The following MRPS6 variants were observed in gnomAD, a reference collection of about 807,000 sequenced individuals.
The protein encoded by MRPS6 is mitochondrial ribosomal protein S6, also known as small ribosomal subunit protein bS6m.
Under a neutral mutation model 13.1 loss-of-function variants are expected in MRPS6, and 6 were observed. The ratio of observed to expected loss-of-function variants is 0.46; its 90% CI spans 0.25 to 0.91. The LOEUF (loss-of-function observed/expected upper bound fraction) is 0.91, where lower values mean the gene tolerates loss of function less well. MRPS6 is among the 40% of genes least tolerant of loss of function. The pLI is 0.18. For missense variants in MRPS6, 164 were observed against 155.6 expected (o/e 1.05, Z -0.29); for synonymous variants, 61 against 56.5 (o/e 1.08, Z -0.36).
At chr21:34,088,745 A>T (rs1978527046) in intron 1 of MRPS6, among the ~76,000 whole-genome samples, 1 of 152,192 alleles carries the variant, frequency 6.6e-6, no homozygotes, top group African/African-American at 2.4e-5. Context: ...TCATGGCTTC[A>T]GTTTTCTCAT....
chr21:34,073,810 T>G, intron 1 of MRPS6, 65 bp downstream of exon 1: 22 of 1,238,450 alleles, frequency 1.8e-5, no homozygotes, highest in Admixed American at 3.0e-5. Flanking sequence ...TAGGCCGCCG[T>G]CCCCCGCGCG....
At chr21:34,099,779 T>A in intron 1 of MRPS6, 1 of 837,274 alleles carries the variant, frequency 1.2e-6, no homozygotes, top group Non-Finnish European at 1.5e-6. Flanking sequence ...AAGGAATGAC[T>A]ATTAGCATAT....
At chr21:34,077,585 C>A (rs1054681556) in intron 1 of MRPS6, among the ~76,000 whole-genome samples, 1 of 151,982 alleles carries the variant, frequency 6.6e-6, no homozygotes, top group African/African-American at 2.4e-5. Context: ...ATATATATAT[C>A]TTCATATGTT....
At chr21:34,125,173 T>G (rs1316911724) in intron 1 of MRPS6, 168 bp from the exon 2 acceptor site, 4 of 1,026,646 alleles carry the variant, frequency 3.9e-6, no homozygotes, top group Non-Finnish European at 5.4e-6. Flanking sequence ...CAATAAATTC[T>G]CTCTCTCTTT....
chr21:34,109,353 G>T (rs1245331710), intron 1 of MRPS6, among the ~76,000 whole-genome samples: 1 of 152,124 alleles, frequency 6.6e-6, no homozygotes, highest in Non-Finnish European at 1.5e-5. Context: ...CTGTTTGTTG[G>T]GTTAAGTCCT....
rs1196347123 is a variant in MRPS6, at chr21:34,096,542, G to A, written c.45+22797G>A. On this transcript the variant is annotated intron_variant, in intron 1 of 2. Transcript: ENST00000399312. This position sits in a 1 kb window ranked among gnomAD's most constrained non-coding sequence, Gnocchi z 5.9. ...ACATTCAGGAGGTAGCAGATTACCTGACACCCCCAGTGGCAGCCTTGTTCC... is the reference window on the plus strand; with the variant it reads ...ACATTCAGGAGGTAGCAGATTACCTAACACCCCCAGTGGCAGCCTTGTTCC... 6.2e-7 allele frequency: 1 copy of A among 1,614,030 alleles called. No individual in the cohort carries two copies. Among genetic ancestry groups the A allele is most frequent in the Non-Finnish European group, 8.5e-7 (1 of 1,180,004 alleles).
chr21:34,090,164 C>T (rs961679373), intron 1 of MRPS6, among the ~76,000 whole-genome samples: 1 of 152,206 alleles, frequency 6.6e-6, no homozygotes, highest in Non-Finnish European at 1.5e-5. Context: ...GCTCCACTTA[C>T]AATTTAAAAC....
intron 1 of MRPS6, chr21:34,095,436 G>A (rs759885666): frequency 1.2e-6 from 2 of 1,614,060 alleles, no homozygotes; most frequent in Non-Finnish European, 1.7e-6. Flanking sequence ...ATTTGCAGTG[G>A]GCGCATGGGA....
At chr21:34,095,565 C>T in intron 1 of MRPS6, 1 of 1,613,746 alleles carries the variant, frequency 6.2e-7, no homozygotes, top group Non-Finnish European at 8.5e-7. Flanking sequence ...CCATAGGATT[C>T]AGGTCTATTT....
At position 34,142,574 on chromosome 21, in the gene MRPS6, T is replaced by C. The variant is rs1187738852; in HGVS notation, c.352T>C (p.Tyr118His). 2.5e-6 allele frequency: 4 copies of C among 1,606,800 alleles called. No individual in the cohort carries two copies. Among genetic ancestry groups the C allele is most frequent in the Non-Finnish European group, 3.4e-6 (4 of 1,178,058 alleles). ...CCCAGTCCCACTCGCAGAAAAATTA[T>C]ATTCCACAAAGAAGAGGAAGAAGTG... ...IVPVPLAEKL[Y>H]STKKRKK is the part of the protein sequence containing the mutation. The change falls in exon 3 of 3, where the codon TAT (tyrosine) becomes CAT (histidine). Residue 118 changes from tyrosine (Y) to histidine (H), a missense_variant. By Grantham distance (83) the Tyr-to-His change is moderately conservative (BLOSUM62 2). Coordinates refer to ENST00000399312, the MANE Select transcript of MRPS6 (RefSeq NM_032476.4).
At chr21:34,135,345 G>A (rs978646266) in intron 2 of MRPS6, 6 of 235,444 alleles carry the variant, frequency 2.5e-5, no homozygotes, top group Non-Finnish European at 5.0e-5. Context: ...TATGAGAGCC[G>A]GTTTTTTTTT....
Position 34,075,996 on chromosome 21 carries a change from A to C in MRPS6, c.45+2251A>C, listed in dbSNP as rs184855098. Among the ~76,000 whole-genome samples the C allele has an allele frequency of 9.8e-5, 15 of 152,352 alleles. No individual in the cohort carries two copies. In the East Asian group the frequency reaches 1.9e-3, roughly 20 times the overall value. ...TGCAAGAAGGGTATTGAAGCTCCTC[A>C]GTTCAAAGTTGCGTATCTTCCACGT... On this transcript the variant is annotated intron_variant, in intron 1 of 2. Transcript: ENST00000399312.
chr21:34,097,740 A>G, intron 1 of MRPS6: 1 of 1,006,062 alleles, frequency 9.9e-7, no homozygotes, highest in Non-Finnish European at 1.2e-6. Context: ...GCTCATTTCT[A>G]AATTTTTTTT....
chr21:34,094,205 G>T (rs1978856501), intron 1 of MRPS6, among the ~76,000 whole-genome samples: 2 of 152,258 alleles, frequency 1.3e-5, no homozygotes, highest in African/African-American at 2.4e-5. Context: ...TTAGTTTTGT[G>T]TGGAATGTCG....
At chr21:34,079,924 C>T (rs1423461265) in intron 1 of MRPS6, among the ~76,000 whole-genome samples, 1 of 152,096 alleles carries the variant, frequency 6.6e-6, no homozygotes, top group Admixed American at 6.5e-5. Flanking sequence ...TCTGTTATTG[C>T]TTATTTCTGT....
intron 1 of MRPS6, among the ~76,000 whole-genome samples, chr21:34,074,616 C>A (rs1989280075): frequency 6.6e-6 from 1 of 152,216 alleles, no homozygotes; most frequent in South Asian, 2.1e-4. Flanking sequence ...CTCAAGTCGT[C>A]GCCGAAATCC....
At chr21:34,119,189 C>T (rs759290264) in intron 1 of MRPS6, among the ~76,000 whole-genome samples, 14 of 152,290 alleles carry the variant, frequency 9.2e-5, no homozygotes, top group Middle Eastern at 3.4e-3. Context: ...TCAAACAGTT[C>T]CTGTGGAATC....
chr21:34,103,958 T>C, intron 1 of MRPS6: 1 of 1,000,194 alleles, frequency 1.0e-6, no homozygotes, highest in Non-Finnish European at 1.2e-6. Context: ...TGTTTTAAGC[T>C]GTAGTGTGAT....
At chr21:34,100,410 T>C (rs1392073683) in intron 1 of MRPS6, 1 of 1,000,044 alleles carries the variant, frequency 1.0e-6, no homozygotes, top group Non-Finnish European at 1.2e-6. Flanking sequence ...CTTCCCCAGC[T>C]ATTCTTTCCT....
Sources: allele counts gnomAD v4.1 joint callset (sites outside exome capture counted in the v4.1 genomes callset), GRCh38; gene constraint gnomAD v4.1.1; non-coding constraint Gnocchi (gnomAD v3.1); transcripts MANE v1.5; gene names NCBI Gene and HGNC (gene_info 2026-07-23, HGNC 2026-07-21).